The following ZNF821 variants were observed in gnomAD, a reference collection of about 807,000 sequenced individuals.
ZNF821 encodes the protein zinc finger protein 821.
Under a neutral mutation model 44.3 loss-of-function variants are expected in ZNF821, and 16 were observed. The ratio of observed to expected loss-of-function variants is 0.36; its 90% confidence interval spans 0.24 to 0.55. ZNF821 has a LOEUF of 0.55. Ranked by LOEUF, ZNF821 falls within the 20% of genes least tolerant of loss-of-function variation. The pLI, the probability that ZNF821 is intolerant of heterozygous loss-of-function variation, is 0.86. For missense variants in ZNF821, 436 were observed against 547.6 expected (o/e 0.80, Z 2.03); for synonymous variants, 204 against 197.6 (o/e 1.03, Z -0.27).
intron 2 of ZNF821, 124 bp from the exon 3 acceptor site, chr16:71,880,147 G>C (rs1268405575): frequency 2.2e-6 from 1 of 454,236 alleles, no homozygotes; most frequent in East Asian, 3.4e-5. Context: ...ATAAATAATT[G>C]AACTAATGAA....
intron 2 of ZNF821, chr16:71,881,397 T>C (rs2036408623): frequency 6.6e-6 from 1 of 152,226 alleles, no homozygotes; most frequent in Non-Finnish European, 1.5e-5. Flanking sequence ...GGCAGTCTTC[T>C]AGCATATCTG....
At chr16:71,865,689 C>T (rs747511547) in intron 4 of ZNF821, among the ~76,000 whole-genome samples, 2 of 152,222 alleles carry the variant, frequency 1.3e-5, no homozygotes, top group Admixed American at 6.5e-5. Context: ...ATCCGACTCA[C>T]TCGGTTCTTA....
At chr16:71,864,681 A>C (rs2034325468) in intron 5 of ZNF821, 7 of 539,372 alleles carry the variant, frequency 1.3e-5, no homozygotes, top group Non-Finnish European at 2.0e-5. Context: ...CAGGAAAGAG[A>C]GCTGTGCACA....
chr16:71,873,016 T>C (rs1259223541), intron 3 of ZNF821, among the ~76,000 whole-genome samples: 1 of 152,122 alleles, frequency 6.6e-6, no homozygotes, highest in Non-Finnish European at 1.5e-5. Flanking sequence ...TTTCTACAAG[T>C]AGTTGACAGA....
Position 71,861,921 on chromosome 16 carries a change from C to T in ZNF821, c.439G>A (p.Ala147Thr), listed in dbSNP as rs377750355. The T allele has an allele frequency of 9.3e-6, 15 of 1,614,068 alleles. No individual in the cohort carries two copies. Among genetic ancestry groups the T allele is most frequent in the Admixed American group, 1.7e-5 (1 of 60,004 alleles). Residue 147 changes from alanine to threonine, a missense_variant, in exon 7 of 8, where the codon GCC becomes ACC. Coordinates refer to ENST00000425432, the MANE Select transcript of ZNF821 (RefSeq NM_001201552.2). ...VYQHTAAVVSAKSYMCPVCGR... is the reference protein window; with the variant it reads ...VYQHTAAVVSTKSYMCPVCGR... ...CAGACAGGACACATGTAGCTCTTGG[C>T]GCTCACCACTGCTGCAGTGTGCTGT... is the stretch of plus-strand genomic sequence containing the variant.
intron 6 of ZNF821, among the ~76,000 whole-genome samples, chr16:71,863,399 CTCTT>C (rs1454879125): frequency 1.8e-5 from 2 of 109,088 alleles, no homozygotes; most frequent in Non-Finnish European, 3.5e-5. Context: ...GGAGCAGAAT[CTCTT>C]TTTTTTTTTT....
chr16:71,868,135 G>T, intron 3 of ZNF821, 98 bp from the exon 4 acceptor site: 1 of 1,380,866 alleles, frequency 7.2e-7, no homozygotes, highest in Non-Finnish European at 9.7e-7. Flanking sequence ...TAGGAGACAG[G>T]CAGGTACCCT....
At chr16:71,872,263 A>G (rs2035289175) in intron 3 of ZNF821, among the ~76,000 whole-genome samples, 1 of 152,054 alleles carries the variant, frequency 6.6e-6, no homozygotes, top group Non-Finnish European at 1.5e-5. Flanking sequence ...TGGTGCAGTT[A>G]AACAAATGTA....
chr16:71,870,486 C>CTTTT (rs5817794), intron 3 of ZNF821, among the ~76,000 whole-genome samples: 7 of 136,620 alleles, frequency 5.1e-5, no homozygotes, highest in Non-Finnish European at 9.3e-5. Context: ...TGGTACTTTC[C>CTTTT]TTTTTTTTTT....
intron 4 of ZNF821, 65 bp from the exon 5 acceptor site, chr16:71,865,113 C>G (rs1235799783): frequency 1.3e-6 from 2 of 1,590,658 alleles, no homozygotes; most frequent in African/African-American, 2.7e-5. Flanking sequence ...CTGCTCTCCA[C>G]CCTAGAGTTG....
In ZNF821 at chr16:71,860,521, T is replaced by C. The variant is rs1161050357; in HGVS notation, c.736A>G (p.Lys246Glu). 1 of 1,614,132 alleles carries C rather than the reference T, an allele frequency of 6.2e-7. No homozygotes were observed. Among genetic ancestry groups the C allele is most frequent in the South Asian group, 1.1e-5 (1 of 91,080 alleles). The change falls in exon 8 of 8, where the codon AAA becomes GAA. Residue 246 changes from lysine (K) to glutamate (E), a missense_variant. Physicochemically the swap from Lys to Glu is moderately conservative, Grantham distance 56. Transcript: ENST00000425432. This position sits in a 1 kb window ranked among gnomAD's most constrained non-coding sequence, Gnocchi z 7.3. ...LVCNNCAAYR[K>E]LLEAQTPSVR... Reference sequence around the variant, plus strand: ...CTGGGAGTCTGGGCTTCCAGCAGTTTACGGTAGGCAGCACAGTTGTTGCAC... The same window carrying C: ...CTGGGAGTCTGGGCTTCCAGCAGTTCACGGTAGGCAGCACAGTTGTTGCAC...
chr16:71,892,178 C>CAAAAAA (rs560376648), intron 1 of ZNF821, among the ~76,000 whole-genome samples: 2,452 of 31,870 alleles, frequency 0.077, 612 homozygotes, highest in East Asian at 0.51. Context: ...AACTCCGTCT[C>CAAAAAA]AAAAAAAAAA....
At chr16:71,881,960 G>C (rs373936484) in intron 2 of ZNF821, 2 of 151,502 alleles carry the variant, frequency 1.3e-5, no homozygotes, top group South Asian at 2.1e-4. Flanking sequence ...AACAGAGTGA[G>C]ACTCCATCTC....
chr16:71,894,716 T>G (rs1369111389), intron 1 of ZNF821: 4 of 557,100 alleles, frequency 7.2e-6, no homozygotes, highest in African/African-American at 2.0e-5. Flanking sequence ...TTTTTTTTTT[T>G]GTAGCGATGC....
At chr16:71,871,017 G>A (rs2035139937) in intron 3 of ZNF821, among the ~76,000 whole-genome samples, 1 of 152,188 alleles carries the variant, frequency 6.6e-6, no homozygotes, top group South Asian at 2.1e-4. Context: ...CATTGGATTA[G>A]TAAAAAGACA....
exon 1 of ZNF821, chr16:71,895,189 A>C: frequency 4.8e-6 from 1 of 206,818 alleles, no homozygotes; most frequent in Non-Finnish European, 1.0e-5. Flanking sequence ...TTATGGAAGA[A>C]TCCGGAACCA....
chr16:71,889,485 C>T (rs1456795690), upstream of ZNF821, among the ~76,000 whole-genome samples: 2 of 151,976 alleles, frequency 1.3e-5, no homozygotes, highest in African/African-American at 2.4e-5. Context: ...CCAGCCTGGC[C>T]AACATGGTGA....
At chr16:71,869,362 GTGAAAGACT>G (rs1002708184) in intron 3 of ZNF821, among the ~76,000 whole-genome samples, 1 of 152,180 alleles carries the variant, frequency 6.6e-6, no homozygotes, top group African/African-American at 2.4e-5. Flanking sequence ...ACCTTGGGCA[GTGAAAGACT>G]TGATGTGGAG....
upstream of ZNF821, chr16:71,884,601 G>T (rs1443159084): frequency 2.0e-5 from 3 of 152,092 alleles, no homozygotes; most frequent in Admixed American, 6.6e-5. Flanking sequence ...AACCCTCTTC[G>T]CCTCATTCCC....
Sources: gnomAD v4.1 joint callset for allele counts (sites outside exome capture counted in the v4.1 genomes callset) on GRCh38, gnomAD v4.1.1 for gene constraint, Gnocchi (gnomAD v3.1) non-coding constraint, MANE v1.5 for transcripts, NCBI Gene and HGNC (gene_info 2026-07-23, HGNC 2026-07-21) for gene names.